Variants in CDK12 observed in about 807,000 individuals in gnomAD.
The protein encoded by CDK12 is cyclin dependent kinase 12, also known as cyclin-dependent kinase 12.
In CDK12, 17 loss-of-function variants were observed where a neutral mutation model predicts 133.8. That is an observed-to-expected ratio of 0.13 (90% CI 0.09 to 0.19). The LOEUF (loss-of-function observed/expected upper bound fraction) is 0.19. CDK12 is among the 10% of genes least tolerant of loss of function. The pLI, the probability that CDK12 is intolerant of heterozygous loss-of-function variation, is 1.00. For synonymous variants in CDK12, 694 were observed against 683.6 expected (o/e 1.02, Z -0.24); for missense variants, 1,508 against 1,818.7 (o/e 0.83, Z 3.11).
At chr17:39,551,770 A>G (rs1597701615) in intron 2 of CDK12, among the ~76,000 whole-genome samples, 2 of 152,040 alleles carry the variant, frequency 1.3e-5, no homozygotes, top group African/African-American at 2.4e-5. Context: ...CCCATCCCCA[A>G]CCCCTTGCTT....
intron 8 of CDK12, among the ~76,000 whole-genome samples, chr17:39,513,515 TGTC>T (rs1455173198): frequency 1.3e-5 from 2 of 152,202 alleles, no homozygotes; most frequent in African/African-American, 4.8e-5. Context: ...GCATTTAAAT[TGTC>T]ACAACTAGGC....
chr17:39,562,373 C>T (rs907947844), intron 3 of CDK12, among the ~76,000 whole-genome samples: 3 of 152,130 alleles, frequency 2.0e-5, no homozygotes, highest in Non-Finnish European at 4.4e-5. Flanking sequence ...TCACCTCTAC[C>T]CACTCTGAGA....
intron 3 of CDK12, among the ~76,000 whole-genome samples, chr17:39,491,120 A>G (rs1283012154): frequency 6.6e-6 from 1 of 152,230 alleles, no homozygotes; most frequent in African/African-American, 2.4e-5. Context: ...GAAAGCATAT[A>G]AATTGTCATG....
chr17:39,467,984 C>T (rs2049478151), intron 1 of CDK12, among the ~76,000 whole-genome samples: 2 of 151,874 alleles, frequency 1.3e-5, no homozygotes, highest in South Asian at 4.1e-4. Flanking sequence ...ACCTCCGCCT[C>T]CCGGGTTCAA....
intron 8 of CDK12, among the ~76,000 whole-genome samples, chr17:39,511,926 A>G (rs1188837327): frequency 6.6e-6 from 1 of 152,128 alleles, no homozygotes; most frequent in Non-Finnish European, 1.5e-5. Flanking sequence ...TTAATTTTAC[A>G]TTCCCCTTCT....
chr17:39,532,824 T>C lies in CDK12; in HGVS notation c.*1508T>C, dbSNP rs934412226. On this transcript the variant is annotated 3_prime_UTR_variant, in exon 14 of 14. Transcript: ENST00000447079. ...GTCAGGATGGGATAATTTGGGAGGC[T>C]TCTCATTCTGGCTTCTATTTCTATG... The C allele has an allele frequency of 3.0e-5, 7 of 232,838 alleles. No homozygotes were observed. Among genetic ancestry groups the C allele is most frequent in the Admixed American group, 1.7e-4 (3 of 17,774 alleles). 14.4% of individuals were successfully genotyped at this position (232,838 alleles called of 1,614,324 possible).
intron 3 of CDK12, among the ~76,000 whole-genome samples, chr17:39,491,527 C>T (rs1205634341): frequency 2.6e-5 from 4 of 151,990 alleles, no homozygotes; most frequent in Middle Eastern, 3.2e-3. Flanking sequence ...TGAGCCACCG[C>T]GTCCGGCCTT....
intron 1 of CDK12, among the ~76,000 whole-genome samples, chr17:39,466,615 G>GAAAAAAAAAAAAAAAAAAAAAAA (rs71147339): frequency 1.3e-4 from 4 of 31,482 alleles, no homozygotes; most frequent in South Asian, 2.0e-3. Context: ...AACTCTATCT[G>GAAAAAAAAAAAAAAAAAAAAAAA]AAAAAAAAAA....
intron 10 of CDK12, among the ~76,000 whole-genome samples, chr17:39,519,334 C>T (rs1315372996): frequency 8.5e-6 from 1 of 117,746 alleles, no homozygotes; most frequent in African/African-American, 3.4e-5. Flanking sequence ...TTGAGACCGT[C>T]TCACTCTGTC....
upstream of CDK12, among the ~76,000 whole-genome samples, chr17:39,545,846 A>C (rs1244131307): frequency 3.4e-5 from 5 of 145,038 alleles, no homozygotes; most frequent in African/African-American, 1.3e-4. Context: ...CCCAGACTGC[A>C]GTTCAGTGGC....
intron 1 of CDK12, among the ~76,000 whole-genome samples, chr17:39,467,900 GT>G (rs551095676): frequency 2.2e-4 from 31 of 144,088 alleles, no homozygotes; most frequent in African/African-American, 4.0e-4. Flanking sequence ...TTTTAGTTTT[GT>G]TTTTTTTTTT....
chr17:39,541,264 C>T (rs566664539), intron 1 of CDK12, among the ~76,000 whole-genome samples: 12 of 152,118 alleles, frequency 7.9e-5, no homozygotes, highest in African/African-American at 2.4e-4. Flanking sequence ...CTGCCCCATA[C>T]CTGCTCTCAG....
chr17:39,519,802 G>C (rs1023415623), intron 10 of CDK12, among the ~76,000 whole-genome samples, 154 bp from the exon 11 acceptor site: 1 of 151,884 alleles, frequency 6.6e-6, no homozygotes, highest in Non-Finnish European at 1.5e-5. Context: ...TCAGTATGTT[G>C]CCCAGGTTGA....
chr17:39,531,366 T>A lies in CDK12; in HGVS notation c.*50T>A, dbSNP rs2146856215. 1 of 1,375,126 alleles carries A rather than the reference T, an allele frequency of 7.3e-7. No homozygotes were observed. The highest frequency in any genetic ancestry group is 2.2e-5 in the South Asian group (1 of 45,718). The allele number at this position is 1,375,126 out of a possible 1,614,324, so 85.2% of individuals were successfully genotyped here. ...GATTCCTTTCCTATCCATCCTTCCATCCAGTTCTCTGAATCTTTAATGAAA... is the reference window on the plus strand; with the variant it reads ...GATTCCTTTCCTATCCATCCTTCCAACCAGTTCTCTGAATCTTTAATGAAA... On this transcript the variant is annotated 3_prime_UTR_variant, in exon 14 of 14. Coordinates refer to ENST00000447079, the MANE Select transcript of CDK12 (RefSeq NM_016507.4).
chr17:39,462,222 A>G lies in CDK12; in HGVS notation c.151A>G (p.Lys51Glu), dbSNP rs2049008179. ...KHKRHKSKHS[K>E]DMGLVTPEAA... Reference sequence around the variant, plus strand: ...CAAGCGGCATAAGTCCAAACACTCCAAAGACATGGGGTTGGTGACCCCCGA... The same window carrying G: ...CAAGCGGCATAAGTCCAAACACTCCGAAGACATGGGGTTGGTGACCCCCGA... Residue 51 changes from lysine (K) to glutamate (E), a missense_variant, in exon 1 of 14, where the codon AAA becomes GAA. Around this residue, in one of 9 missense-constraint regions of CDK12, gnomAD observed 460 missense variants for 490.8 expected, o/e 0.94. Transcript: ENST00000447079. 1.2e-6 allele frequency: 2 copies of G among 1,614,072 alleles called. No homozygotes were observed. The highest frequency in any genetic ancestry group is 1.7e-5 in the Admixed American group (1 of 59,990).
intron 2 of CDK12, among the ~76,000 whole-genome samples, chr17:39,484,093 C>T (rs942015322): frequency 3.3e-5 from 5 of 152,148 alleles, no homozygotes. Context: ...ATATGCCTAC[C>T]TCGGCATTCC....
At chr17:39,537,710 G>A (rs1185803956), downstream of CDK12, among the ~76,000 whole-genome samples, 2 of 151,616 alleles carry the variant, frequency 1.3e-5, no homozygotes, top group Admixed American at 6.6e-5. Context: ...TTACAGGTGC[G>A]TGCCACCATG....
At position 39,530,928 on chromosome 17, in the gene CDK12, T is replaced by C; in HGVS notation, c.4085T>C (p.Leu1362Ser). The C allele has an allele frequency of 6.2e-7, 1 of 1,614,210 alleles. No individual in the cohort carries two copies. The highest frequency in any genetic ancestry group is 8.5e-7 in the Non-Finnish European group (1 of 1,180,034). The change falls in exon 14 of 14, where the codon TTG becomes TCG. Residue 1362 changes from leucine (L) to serine (S), a missense_variant. Physicochemically the swap from Leu to Ser is moderately radical, Grantham distance 145. Coordinates refer to ENST00000447079, the MANE Select transcript of CDK12 (RefSeq NM_016507.4). ...DTDERNSGPA[L>S]TESLVQTLVK... ...GATGAACGAAACTCTGGTCCAGCCT[T>C]GACAGAATCCTTGGTCCAGACCCTG...
Position 39,532,297 on chromosome 17 carries a change from A to G in CDK12, c.*981A>G, listed in dbSNP as rs947115092. ...TTACATTGTTCTCTGTAACTCTTCAATTCTAAAATGTTTTGTTTTTTAAAC... is the reference window on the plus strand; with the variant it reads ...TTACATTGTTCTCTGTAACTCTTCAGTTCTAAAATGTTTTGTTTTTTAAAC... On this transcript the variant is annotated 3_prime_UTR_variant, in exon 14 of 14. Coordinates refer to ENST00000447079, the MANE Select transcript of CDK12 (RefSeq NM_016507.4). The G allele has an allele frequency of 9.0e-5, 21 of 233,228 alleles. No homozygotes were observed. The highest frequency in any genetic ancestry group is 5.6e-4 in the Admixed American group (10 of 17,778). 14.4% of individuals were successfully genotyped at this position (233,228 alleles called of 1,614,324 possible). A position where few individuals can be genotyped will look rare whatever the true frequency, so the allele number is the denominator to read the frequency against.
Sources: allele counts gnomAD v4.1 joint callset (sites outside exome capture counted in the v4.1 genomes callset), GRCh38; gene constraint gnomAD v4.1.1; regional missense constraint gnomAD v4.1.1; transcripts MANE v1.5; gene names NCBI Gene and HGNC (gene_info 2026-07-23, HGNC 2026-07-21).